Variants in KIF3A observed in about 807,000 individuals in gnomAD.
KIF3A encodes the protein kinesin family member 3A, also known as kinesin-like protein KIF3A.
KIF3A carries 27 observed loss-of-function variants against 92.6 expected under a neutral mutation model. The ratio of observed to expected loss-of-function variants is 0.29; its 90% CI spans 0.21 to 0.40. The LOEUF is 0.40. KIF3A is among the 10% of genes least tolerant of loss of function. KIF3A has a pLI of 1.00. For missense variants in KIF3A, 581 were observed against 872.6 expected (o/e 0.67, Z 4.21); for synonymous variants, 250 against 275.4 (o/e 0.91, Z 0.92).
chr5:132,727,427 G>A (rs542042799), intron 2 of KIF3A, among the ~76,000 whole-genome samples: 1 of 152,222 alleles, frequency 6.6e-6, no homozygotes, highest in East Asian at 1.9e-4. Context: ...AGGGGGTCAG[G>A]GAGGACTTTC....
chr5:132,714,922 T>C (rs964657522), intron 8 of KIF3A, among the ~76,000 whole-genome samples: 3 of 152,196 alleles, frequency 2.0e-5, no homozygotes, highest in African/African-American at 7.2e-5. Context: ...GTGGTCACAT[T>C]TAAAACACCA....
At chr5:132,725,269 T>A (rs1198709254) in intron 4 of KIF3A, among the ~76,000 whole-genome samples, 1 of 152,014 alleles carries the variant, frequency 6.6e-6, no homozygotes, top group African/African-American at 2.4e-5. Flanking sequence ...CTTCATGAGG[T>A]CCAACAAGCA....
At position 132,724,803 on chromosome 5, in the gene KIF3A, AAAAATATATATATAT is replaced by A. The variant is rs1343064376; in HGVS notation, c.510+1310_510+1324del. Reference sequence around the variant, plus strand: ...AACTTAAAGTATAATAAAAAAAAAAAAAAATATATATATATATATATATATATATATATATATATA... The same window carrying A: ...AACTTAAAGTATAATAAAAAAAAAAAATATATATATATATATATATATATA... On this transcript the variant is annotated intron_variant, in intron 4 of 18. Coordinates refer to ENST00000403231, the MANE Select transcript of KIF3A (RefSeq NM_001300791.2). Among the ~76,000 whole-genome samples, 69 of 26,680 alleles carry A rather than the reference AAAAATATATATATAT, an allele frequency of 2.6e-3. 2 individuals carry two copies. The highest frequency in any genetic ancestry group is 9.5e-3 in the African/African-American group (66 of 6,982). The allele number at this position is 26,680 out of a possible 152,430, so 17.5% of individuals were successfully genotyped here. A position where few individuals can be genotyped will look rare whatever the true frequency, so the allele number is the denominator to read the frequency against.
chr5:132,737,463 C>A lies in KIF3A; in HGVS notation c.-44G>T. 6.3e-7 allele frequency: 1 copy of A among 1,597,402 alleles called. No individual in the cohort carries two copies. The highest frequency in any genetic ancestry group is 1.4e-5 in the African/African-American group (1 of 73,978). ...CCGGCGGACGTCCCCGCCCGGGGTGCAGCCCAGCGACACCGGGTGCGCAGA... is the reference window on the plus strand; with the variant it reads ...CCGGCGGACGTCCCCGCCCGGGGTGAAGCCCAGCGACACCGGGTGCGCAGA... On this transcript the variant is annotated 5_prime_UTR_variant, in exon 1 of 19. Coordinates refer to ENST00000403231, the MANE Select transcript of KIF3A (RefSeq NM_001300791.2).
intron 11 of KIF3A, among the ~76,000 whole-genome samples, chr5:132,705,257 T>C (rs1015207904): frequency 6.6e-6 from 1 of 152,010 alleles, no homozygotes; most frequent in African/African-American, 2.4e-5. Context: ...AGTTCAGGTA[T>C]ATAGTAAGTA....
At chr5:132,708,016 G>A (rs1753277852) in intron 10 of KIF3A, among the ~76,000 whole-genome samples, 1 of 152,156 alleles carries the variant, frequency 6.6e-6, no homozygotes, top group Admixed American at 6.5e-5. Flanking sequence ...GGGCGCAGTG[G>A]CTCACGCCTA....
intron 4 of KIF3A, among the ~76,000 whole-genome samples, chr5:132,721,897 A>G (rs2299005): frequency 0.27 from 40,428 of 152,056 alleles, 7,019 homozygotes; most frequent in East Asian, 0.75. Flanking sequence ...GAGCTTCCAC[A>G]TAAGGTTTGG....
chr5:132,702,786 G>T, intron 13 of KIF3A, 99 bp downstream of exon 13: 1 of 1,338,524 alleles, frequency 7.5e-7, no homozygotes, highest in Non-Finnish European at 1.1e-6. Context: ...CCATAAATAT[G>T]CTTTAAAATT....
intron 15 of KIF3A, among the ~76,000 whole-genome samples, chr5:132,701,703 C>T (rs1753043392): frequency 6.6e-6 from 1 of 151,918 alleles, no homozygotes; most frequent in Admixed American, 6.6e-5. Context: ...CTTAAAATAG[C>T]TAAGATGGTA....
chr5:132,703,471 A>G lies in KIF3A; in HGVS notation c.1458T>C (p.Leu486=), dbSNP rs1193622253. 9.9e-6 allele frequency: 16 copies of G among 1,608,226 alleles called. No homozygotes were observed. Among genetic ancestry groups the G allele is most frequent in the Non-Finnish European group, 1.4e-5 (16 of 1,176,830 alleles). ...AATTCAATAATACTCACTGGGCTTT[A>G]AGAAGATCTTTTTCCCGTTTCTCTA... The part of the protein sequence containing the change: ...AELEKREKDL[L]KAQQEHQSLL... Residue 486 remains leucine, a synonymous_variant, in exon 12 of 19, where the codon CTT becomes CTC. Coordinates refer to ENST00000403231, the MANE Select transcript of KIF3A (RefSeq NM_001300791.2).
chr5:132,691,350 C>T (rs140091862), downstream of KIF3A, among the ~76,000 whole-genome samples: 2,038 of 151,872 alleles, frequency 0.013, 75 homozygotes, highest in East Asian at 0.11. Context: ...GAGTTCGAGA[C>T]GAGCCTGACC....
chr5:132,711,541 G>A (rs901648037), intron 8 of KIF3A, among the ~76,000 whole-genome samples: 2 of 151,888 alleles, frequency 1.3e-5, no homozygotes, highest in Non-Finnish European at 2.9e-5. Flanking sequence ...GCAGTGAGCC[G>A]AGATGGCACC....
chr5:132,699,100 AC>A, intron 18 of KIF3A, 70 bp downstream of exon 18: 1 of 1,393,498 alleles, frequency 7.2e-7, no homozygotes, highest in Non-Finnish European at 1.0e-6. Flanking sequence ...ATAAATTTTA[AC>A]TTCCTGTACA....
chr5:132,713,889 C>CTTTTTTTTTTTT (rs34191042), intron 8 of KIF3A, among the ~76,000 whole-genome samples: 1 of 83,760 alleles, frequency 1.2e-5, no homozygotes. Context: ...ATTTCACTTT[C>CTTTTTTTTTTTT]TTTTTTTTTT....
At chr5:132,717,667 A>C (rs1753675821) in intron 5 of KIF3A, among the ~76,000 whole-genome samples, 1 of 152,166 alleles carries the variant, frequency 6.6e-6, no homozygotes, top group Non-Finnish European at 1.5e-5. Context: ...AAATATGCAA[A>C]GTATTTGCAT....
intron 11 of KIF3A, among the ~76,000 whole-genome samples, chr5:132,704,126 C>T (rs572644508): frequency 1.3e-5 from 2 of 151,910 alleles, no homozygotes; most frequent in East Asian, 3.9e-4. Flanking sequence ...GAATTTACAT[C>T]AAGTAGTTTT....
chr5:132,731,038 TG>T (rs999624136), intron 2 of KIF3A, among the ~76,000 whole-genome samples: 7 of 152,192 alleles, frequency 4.6e-5, no homozygotes, highest in African/African-American at 1.4e-4. Context: ...AATCAATAGT[TG>T]AAAACCTTCC....
downstream of KIF3A, chr5:132,688,813 C>T (rs1335045318): frequency 6.6e-6 from 1 of 152,182 alleles, no homozygotes; most frequent in Non-Finnish European, 1.5e-5. Context: ...AGATTAGTAT[C>T]GACTCTGAGA....
At position 132,693,238 on chromosome 5, in the gene KIF3A, T is replaced by C. The variant is rs1752721149; in HGVS notation, c.*3396A>G. 1 of 152,086 alleles carries C rather than the reference T, an allele frequency of 6.6e-6. No homozygotes were observed. The highest frequency in any genetic ancestry group is 2.4e-5 in the African/African-American group (1 of 41,374). The allele number at this position is 152,086 out of a possible 1,614,324, so 9.4% of individuals were successfully genotyped here. A position where few individuals can be genotyped will look rare whatever the true frequency, so the allele number is the denominator to read the frequency against. ...TGGCTTGTCAAATGGATTCTATTCA[T>C]GGGGCAAACATGGAGATGCGACCCT... On this transcript the variant is annotated 3_prime_UTR_variant, in exon 19 of 19. Transcript: ENST00000403231.
Sources: gnomAD v4.1 joint callset for allele counts (sites outside exome capture counted in the v4.1 genomes callset) on GRCh38, gnomAD v4.1.1 for gene constraint, MANE v1.5 for transcripts, NCBI Gene and HGNC (gene_info 2026-07-23, HGNC 2026-07-21) for gene names.